Variants in DAB2IP observed in about 807,000 individuals in gnomAD.
The protein encoded by DAB2IP is disabled homolog 2-interacting protein.
DAB2IP carries 28 observed loss-of-function variants against 107.2 expected under a neutral mutation model. That is an observed-to-expected ratio of 0.26 (90% confidence interval 0.19 to 0.36). The LOEUF (loss-of-function observed/expected upper bound fraction) is 0.36, where lower values mean the gene tolerates loss of function less well. Ranked by LOEUF, DAB2IP falls within the 10% of genes least tolerant of loss-of-function variation. The probability of loss-of-function intolerance (pLI) is 1.00; values close to 1 mark genes in which losing one functional copy is unlikely to be tolerated. For synonymous variants in DAB2IP, 755 were observed against 706.4 expected (o/e 1.07, Z -1.09); for missense variants, 1,400 against 1,644.7 (o/e 0.85, Z 2.57).
At chr9:121,695,869 T>G (rs1171609787) in intron 2 of DAB2IP, among the ~76,000 whole-genome samples, 1 of 152,142 alleles carries the variant, frequency 6.6e-6, no homozygotes, top group Admixed American at 6.5e-5. Flanking sequence ...TCGTTTTTGT[T>G]TTTGTTTTTT....
At chr9:121,726,217 C>G (rs1831230360) in intron 3 of DAB2IP, among the ~76,000 whole-genome samples, 1 of 152,214 alleles carries the variant, frequency 6.6e-6, no homozygotes, top group Non-Finnish European at 1.5e-5. Flanking sequence ...TTTAATCAAT[C>G]ATGCCTATGA....
chr9:121,776,567 T>A lies in DAB2IP; in HGVS notation c.3314+176T>A, dbSNP rs1248788131. ...TGAGCACAGGCCTGGAGGCAGGAGGTGGCCTGGAGGGTGGGCAGCCCATGC... is the reference window on the plus strand; with the variant it reads ...TGAGCACAGGCCTGGAGGCAGGAGGAGGCCTGGAGGGTGGGCAGCCCATGC... On this transcript the variant is annotated intron_variant, in intron 14 of 15. Coordinates refer to ENST00000408936, the Ensembl canonical transcript of DAB2IP. This position sits in a 1 kb window ranked among gnomAD's most constrained non-coding sequence, Gnocchi z 5.4. Among the ~76,000 whole-genome samples, 1 of 151,232 alleles carries A rather than the reference T, an allele frequency of 6.6e-6. No individual in the cohort carries two copies. The highest frequency in any genetic ancestry group is 1.5e-5 in the Non-Finnish European group (1 of 67,806).
intron 1 of DAB2IP, among the ~76,000 whole-genome samples, chr9:121,609,208 G>C (rs1213239997): frequency 6.6e-6 from 1 of 152,226 alleles, no homozygotes; most frequent in South Asian, 2.1e-4. Context: ...AACTCCCAAA[G>C]TGCTGTGATT....
chr9:121,776,075 C>T lies in DAB2IP; in HGVS notation c.3121-123C>T, dbSNP rs942037507. The T allele has an allele frequency of 3.4e-5, 39 of 1,134,410 alleles. No individual in the cohort carries two copies. The highest frequency in any genetic ancestry group is 1.3e-4 in the African/African-American group (8 of 63,544). The allele number at this position is 1,134,410 out of a possible 1,614,324, so 70.3% of individuals were successfully genotyped here. A position where few individuals can be genotyped will look rare whatever the true frequency, so the allele number is the denominator to read the frequency against. The stretch of plus-strand genomic sequence containing the variant: ...GCATCTCCTTGCTATGTGAAGTGGG[C>T]GGGTCACAGCCACTGGGGCCTTTCA... On this transcript the variant is annotated intron_variant, in intron 13 of 15. Transcript: ENST00000408936. The surrounding 1 kb of genome is among the most constrained non-coding windows in gnomAD (Gnocchi z 5.4).
chr9:121,693,147 G>A (rs1022428643), intron 2 of DAB2IP, among the ~76,000 whole-genome samples: 1 of 152,212 alleles, frequency 6.6e-6, no homozygotes, highest in Non-Finnish European at 1.5e-5. Context: ...GATGCAAAGA[G>A]CACTGGGCAA....
upstream of DAB2IP, among the ~76,000 whole-genome samples, chr9:121,648,103 C>T (rs1012850785): frequency 1.4e-4 from 22 of 151,806 alleles, no homozygotes; most frequent in Non-Finnish European, 2.9e-4. Context: ...ACTCAGGGAA[C>T]GGGTGGAAAG....
chr9:121,744,401 A>G (rs1832574397), intron 3 of DAB2IP, among the ~76,000 whole-genome samples: 1 of 152,108 alleles, frequency 6.6e-6, no homozygotes, highest in Non-Finnish European at 1.5e-5. Flanking sequence ...GCAAGTACCC[A>G]TTTCTGAAAA....
At chr9:121,689,329 C>G (rs944614227) in intron 2 of DAB2IP, among the ~76,000 whole-genome samples, 4 of 151,918 alleles carry the variant, frequency 2.6e-5, no homozygotes, top group Non-Finnish European at 4.4e-5. Context: ...TTGACTCCAC[C>G]CCATACCCAT....
At chr9:121,711,877 G>A (rs994766637) in intron 3 of DAB2IP, among the ~76,000 whole-genome samples, 5 of 152,212 alleles carry the variant, frequency 3.3e-5, no homozygotes, top group Non-Finnish European at 5.9e-5. Flanking sequence ...TTGCAGGCTG[G>A]GTGGCGTCCA....
Position 121,667,976 on chromosome 9 carries a change from AAATG to A in DAB2IP, c.125-10700_125-10697del, listed in dbSNP as rs1376714795. ...CTTCTTACATGGTGGTGGAAAGAGA[AAATG>A]AGAGAGATGCAAAACCAGAAACCCC... is the stretch of plus-strand genomic sequence containing the variant. On this transcript the variant is annotated intron_variant, in intron 1 of 15. Transcript: ENST00000408936. Among the ~76,000 whole-genome samples, 21 of 152,302 alleles carry A rather than the reference AAATG, an allele frequency of 1.4e-4. No homozygotes were observed. The East Asian group carries it at 3.5e-3, about 25-fold the overall frequency.
At chr9:121,742,040 A>C (rs1832387325) in intron 3 of DAB2IP, among the ~76,000 whole-genome samples, 1 of 152,232 alleles carries the variant, frequency 6.6e-6, no homozygotes, top group East Asian at 1.9e-4. Flanking sequence ...CAGGCATCAC[A>C]GAAACAGAGT....
At chr9:121,638,856 T>C (rs1189386038) in intron 1 of DAB2IP, among the ~76,000 whole-genome samples, 1 of 152,174 alleles carries the variant, frequency 6.6e-6, no homozygotes, top group Non-Finnish European at 1.5e-5. Context: ...GAAGAGCCCA[T>C]TTCACAGAGC....
chr9:121,770,469 C>G (rs1834634846), intron 10 of DAB2IP, 77 bp from the exon 11 acceptor site: 2 of 1,516,664 alleles, frequency 1.3e-6, no homozygotes, highest in Non-Finnish European at 1.8e-6. Context: ...TGGTTTTGAG[C>G]CATAGTGGCT....
rs80163079 is a variant in DAB2IP, at chr9:121,618,738, A to G, written c.40+51510A>G. Among the ~76,000 whole-genome samples, 696 of 152,318 alleles carry G rather than the reference A, an allele frequency of 4.6e-3. 8 individuals carry two copies. Among genetic ancestry groups the G allele is most frequent in the African/African-American group, 0.016 (672 of 41,574 alleles). On this transcript the variant is annotated intron_variant, in intron 1 of 16. Coordinates refer to the DAB2IP transcript ENST00000259371. ...GACATCCAGGTGCACATCAGCTCCT[A>G]TAACTAAACAGAGCAAGCCCTGTGC...
At chr9:121,642,816 C>T (rs573211644) in intron 1 of DAB2IP, among the ~76,000 whole-genome samples, 4 of 152,054 alleles carry the variant, frequency 2.6e-5, no homozygotes, top group South Asian at 2.1e-4. Flanking sequence ...TTTCAGGAAG[C>T]GCTATGTGGA....
intron 1 of DAB2IP, among the ~76,000 whole-genome samples, chr9:121,585,184 A>G (rs1270659814): frequency 6.6e-6 from 1 of 152,208 alleles, no homozygotes; most frequent in Admixed American, 6.5e-5. Flanking sequence ...TTCTTCCTCA[A>G]TAAAATGCGG....
intron 1 of DAB2IP, among the ~76,000 whole-genome samples, chr9:121,612,653 C>A (rs1472046383): frequency 6.6e-6 from 1 of 152,140 alleles, no homozygotes; most frequent in African/African-American, 2.4e-5. Flanking sequence ...CCGAGAACCG[C>A]CAGGGTCCTC....
chr9:121,693,966 C>G (rs530735231), intron 2 of DAB2IP, among the ~76,000 whole-genome samples: 1 of 152,198 alleles, frequency 6.6e-6, no homozygotes, highest in Non-Finnish European at 1.5e-5. Context: ...TCCCTAGGGG[C>G]TGCCTCCTCG....
chr9:121,629,856 C>T (rs1315939705), intron 1 of DAB2IP, among the ~76,000 whole-genome samples: 1 of 152,200 alleles, frequency 6.6e-6, no homozygotes, highest in East Asian at 1.9e-4. Flanking sequence ...AAATCCTCCT[C>T]TTTTCCCTCA....
Sources: gnomAD v4.1 joint callset for allele counts (sites outside exome capture counted in the v4.1 genomes callset) on GRCh38, gnomAD v4.1.1 for gene constraint, Gnocchi (gnomAD v3.1) non-coding constraint, MANE v1.5 for transcripts, NCBI Gene and HGNC (gene_info 2026-07-23, HGNC 2026-07-21) for gene names.